The following MEIS1 variants were observed in gnomAD, a reference collection of about 807,000 sequenced individuals.
MEIS1 encodes Meis homeobox 1.
In MEIS1, 5 loss-of-function variants were observed where a neutral mutation model predicts 50.8. The ratio of observed to expected loss-of-function variants is 0.10; its 90% CI spans 0.05 to 0.21. MEIS1 has a LOEUF of 0.21. Ranked by LOEUF, MEIS1 falls within the 10% of genes least tolerant of loss-of-function variation. The pLI is 1.00. For synonymous variants in MEIS1, 176 were observed against 179.3 expected, an observed-to-expected ratio of 0.98 and a Z score of 0.15; for missense variants, 318 against 517.3, an observed-to-expected ratio of 0.61 and a Z score of 3.74.
intron 7 of MEIS1, among the ~76,000 whole-genome samples, chr2:66,507,419 G>T (rs1483702504): frequency 1.3e-5 from 2 of 152,120 alleles, no homozygotes; most frequent in Non-Finnish European, 2.9e-5. Context: ...AAAAACAAGG[G>T]GGTCCACAAC....
At chr2:66,501,214 A>C (rs986985630) in intron 7 of MEIS1, among the ~76,000 whole-genome samples, 2 of 152,252 alleles carry the variant, frequency 1.3e-5, no homozygotes, top group East Asian at 3.8e-4. Flanking sequence ...TTGATTCAAA[A>C]TAAAAGTTTA....
At chr2:66,504,667 G>A (rs962623134) in intron 7 of MEIS1, among the ~76,000 whole-genome samples, 33 of 152,142 alleles carry the variant, frequency 2.2e-4, no homozygotes, top group African/African-American at 6.3e-4. Flanking sequence ...CCAATAATAC[G>A]TTTATTTAAA....
intron 6 of MEIS1, among the ~76,000 whole-genome samples, chr2:66,451,113 C>A (rs1173747829): frequency 6.6e-6 from 1 of 152,074 alleles, no homozygotes. Flanking sequence ...ATATTCCCAA[C>A]CTGTGCTTTA....
chr2:66,479,832 T>A (rs11889571), intron 7 of MEIS1, among the ~76,000 whole-genome samples: 3,944 of 152,322 alleles, frequency 0.026, 163 homozygotes, highest in African/African-American at 0.082. Context: ...TCCCCATTTC[T>A]TGGTGAGACA....
At chr2:66,559,123 CAGAGAG>C (rs58790798) in intron 9 of MEIS1, among the ~76,000 whole-genome samples, 455 of 147,270 alleles carry the variant, frequency 3.1e-3, no homozygotes, top group Admixed American at 3.1e-3. Flanking sequence ...GCCTGGGTGA[CAGAGAG>C]AGAGAGAGAG....
chr2:66,475,137 CATAT>C (rs3086707), intron 7 of MEIS1, among the ~76,000 whole-genome samples: 1 of 144,248 alleles, frequency 6.9e-6, no homozygotes, highest in South Asian at 2.1e-4. Context: ...TATATATACA[CATAT>C]ATATATATAA....
Position 66,439,905 on chromosome 2 carries a change from C to G in MEIS1, c.302C>G (p.Pro101Arg), listed in dbSNP as rs959662082. Residue 101 changes from proline to arginine, a missense_variant, in exon 3 of 13, where the codon CCC becomes CGC. Pro to Arg is a moderately radical substitution (Grantham distance 103). This residue lies in a region of MEIS1 where 75 missense variants were observed against 153.7 expected (regional missense o/e 0.49). Coordinates refer to ENST00000272369, the MANE Select transcript of MEIS1 (RefSeq NM_002398.3). ...FEKCELATCT[P>R]REPGVAGGDV... Reference sequence around the variant, plus strand: ...AAATGTGAATTAGCTACTTGTACCCCCCGCGAGCCGGGGGTGGCGGGCGGG... The same window carrying G: ...AAATGTGAATTAGCTACTTGTACCCGCCGCGAGCCGGGGGTGGCGGGCGGG... 3.1e-6 allele frequency: 5 copies of G among 1,613,714 alleles called. No individual in the cohort carries two copies. The highest frequency in any genetic ancestry group is 3.4e-6 in the Non-Finnish European group (4 of 1,179,846).
At chr2:66,463,190 A>G (rs111685497) in intron 6 of MEIS1, among the ~76,000 whole-genome samples, 2,775 of 151,564 alleles carry the variant, frequency 0.018, 54 homozygotes, top group South Asian at 0.051. Context: ...TGATGTATAC[A>G]TATTTTACAT....
At position 66,442,027 on chromosome 2, in the gene MEIS1, G is replaced by GA. The variant is rs1471340320; in HGVS notation, c.483+565dup. Among the ~76,000 whole-genome samples the GA allele has an allele frequency of 4.6e-5, 7 of 152,238 alleles. No homozygotes were observed. The East Asian group carries it at 1.4e-3, about 29-fold the overall frequency. On this transcript the variant is annotated intron_variant, in intron 5 of 12. Coordinates refer to ENST00000272369, the MANE Select transcript of MEIS1 (RefSeq NM_002398.3). ...GAGTTGATAGTTGTGTCAATTTCTT[G>GA]AATCTGTGAATCCTGCACACACTCC...
chr2:66,454,893 A>G (rs1274541177), intron 6 of MEIS1: 1 of 152,188 alleles, frequency 6.6e-6, no homozygotes, highest in Non-Finnish European at 1.5e-5. Flanking sequence ...AGATAAATGA[A>G]TAAAACAGAT....
At chr2:66,468,601 G>T (rs1293572724) in intron 7 of MEIS1, among the ~76,000 whole-genome samples, 1 of 152,142 alleles carries the variant, frequency 6.6e-6, no homozygotes, top group Non-Finnish European at 1.5e-5. Flanking sequence ...TTGAACCCAC[G>T]CAGTCTGACT....
At chr2:66,552,225 C>T (rs1397850325) in intron 9 of MEIS1, among the ~76,000 whole-genome samples, 5 of 152,146 alleles carry the variant, frequency 3.3e-5, no homozygotes, top group Admixed American at 2.6e-4. Flanking sequence ...TTGTGTCGTA[C>T]TTACTGGATG....
intron 9 of MEIS1, among the ~76,000 whole-genome samples, chr2:66,561,871 G>A (rs965513132): frequency 6.6e-6 from 1 of 152,012 alleles, no homozygotes; most frequent in African/African-American, 2.4e-5. Flanking sequence ...ATTGTTTGGA[G>A]GCAACACCAT....
intron 8 of MEIS1, among the ~76,000 whole-genome samples, chr2:66,544,146 A>T (rs763211992): frequency 1.1e-4 from 17 of 152,166 alleles, no homozygotes; most frequent in Non-Finnish European, 1.2e-4. Context: ...TTGCAAAGTG[A>T]CGTCTGCCTT....
At chr2:66,467,423 C>T (rs1392344613) in intron 7 of MEIS1, among the ~76,000 whole-genome samples, 1 of 151,986 alleles carries the variant, frequency 6.6e-6, no homozygotes, top group Non-Finnish European at 1.5e-5. Context: ...ATGGTGAAAT[C>T]CCATCTCTAC....
At chr2:66,461,592 G>T (rs1272860462) in intron 6 of MEIS1, among the ~76,000 whole-genome samples, 1 of 152,180 alleles carries the variant, frequency 6.6e-6, no homozygotes, top group Non-Finnish European at 1.5e-5. Context: ...GCTGTGAGAA[G>T]AATGATATTA....
intron 8 of MEIS1, among the ~76,000 whole-genome samples, chr2:66,525,845 A>G (rs1326576570): frequency 6.6e-6 from 1 of 152,238 alleles, no homozygotes; most frequent in Non-Finnish European, 1.5e-5. Context: ...GACGGAAGTT[A>G]TCATGGAGTG....
intron 8 of MEIS1, among the ~76,000 whole-genome samples, 190 bp from the exon 9 acceptor site, chr2:66,547,753 T>G (rs1025643273): frequency 6.6e-6 from 1 of 152,218 alleles, no homozygotes; most frequent in Non-Finnish European, 1.5e-5. Flanking sequence ...TAGCTATTTA[T>G]ACACTTCATT....
chr2:66,540,339 A>T (rs1674621464), intron 8 of MEIS1, among the ~76,000 whole-genome samples: 3 of 151,936 alleles, frequency 2.0e-5, no homozygotes, highest in African/African-American at 7.3e-5. Context: ...GTTTTTTGAG[A>T]TGTCTGTTGC....
Sources: gnomAD v4.1 joint callset for allele counts (sites outside exome capture counted in the v4.1 genomes callset) on GRCh38, gnomAD v4.1.1 for gene constraint, gnomAD v4.1.1 regional missense constraint, MANE v1.5 for transcripts, NCBI Gene and HGNC (gene_info 2026-07-23, HGNC 2026-07-21) for gene names.